The following WDSUB1 variants were observed in gnomAD, a reference collection of about 807,000 sequenced individuals.
WDSUB1 encodes WD repeat, sterile alpha motif and U-box domain containing 1, also known as WD repeat, SAM and U-box domain-containing protein 1.
In WDSUB1, 49 loss-of-function variants were observed where a neutral mutation model predicts 53.9. The ratio of observed to expected loss-of-function variants is 0.91; its 90% CI spans 0.72 to 1.15. The LOEUF is 1.15. Ranked by LOEUF, WDSUB1 falls within the 50% of genes most tolerant of loss-of-function variation. The probability of loss-of-function intolerance (pLI) is 0.00; values close to 1 mark genes in which losing one functional copy is unlikely to be tolerated. For synonymous variants in WDSUB1, 194 were observed against 200.6 expected (o/e 0.97, Z 0.28); for missense variants, 514 against 562.0 (o/e 0.91, Z 0.86).
In WDSUB1 at chr2:159,279,628, T is replaced by G. The variant is rs532544960; in HGVS notation, c.583+133A>C. 2.0e-5 allele frequency: 14 copies of G among 694,656 alleles called. No individual in the cohort carries two copies. The South Asian group carries it at 6.4e-4, about 32-fold the overall frequency. The allele number at this position is 694,656 out of a possible 1,614,324, so 43.0% of individuals were successfully genotyped here. ...TCAAAAAAGAGAGAAGGATAATCCC[T>G]TTACAGGAATAAATTAAGAGGGCTC... On this transcript the variant is annotated intron_variant, in intron 3 of 10. Transcript: ENST00000359774.
At chr2:159,269,170 T>A (rs950171317) in intron 5 of WDSUB1, among the ~76,000 whole-genome samples, 3 of 145,794 alleles carry the variant, frequency 2.1e-5, no homozygotes, top group Non-Finnish European at 3.0e-5. Flanking sequence ...CACAGATTTT[T>A]TTTTTTTTTT....
intron 10 of WDSUB1, among the ~76,000 whole-genome samples, chr2:159,243,948 T>C (rs1229598898): frequency 3.9e-5 from 6 of 152,180 alleles, no homozygotes; most frequent in African/African-American, 1.4e-4. Flanking sequence ...CTCACAAACA[T>C]GTTTAAGAAG....
chr2:159,250,741 A>G (rs989885432), intron 9 of WDSUB1, among the ~76,000 whole-genome samples: 2 of 152,196 alleles, frequency 1.3e-5, no homozygotes, highest in Non-Finnish European at 2.9e-5. Flanking sequence ...GTAGAGATAG[A>G]TAAGAGGTAC....
intron 9 of WDSUB1, among the ~76,000 whole-genome samples, chr2:159,250,088 C>CAAAAAAAAAAAAAAAAAAAA (rs374038625): frequency 2.4e-5 from 2 of 83,524 alleles, no homozygotes; most frequent in African/African-American, 3.6e-5. Context: ...GACTCTGCCT[C>CAAAAAAAAAAAAAAAAAAAA]AAAAAAAAAA....
At position 159,243,607 on chromosome 2, in the gene WDSUB1, A is replaced by G. The variant is rs1265744012; in HGVS notation, c.1273+4765T>C. Among the ~76,000 whole-genome samples, 2 of 129,654 alleles carry G rather than the reference A, an allele frequency of 1.5e-5. 1 individual carries two copies. Among genetic ancestry groups the G allele is most frequent in the African/African-American group, 7.8e-5 (2 of 25,784 alleles). 85.1% of individuals were successfully genotyped at this position (129,654 alleles called of 152,430 possible). A position where few individuals can be genotyped will look rare whatever the true frequency, so the allele number is the denominator to read the frequency against. ...TCAATTAAAAATAATAAAATTTAAAAATAAATGTGTGGTACCAGAAAGGTT... is the reference window on the plus strand; with the variant it reads ...TCAATTAAAAATAATAAAATTTAAAGATAAATGTGTGGTACCAGAAAGGTT... On this transcript the variant is annotated intron_variant, in intron 10 of 10. Coordinates refer to ENST00000359774, the MANE Select transcript of WDSUB1 (RefSeq NM_001128212.3).
intron 10 of WDSUB1, among the ~76,000 whole-genome samples, chr2:159,245,747 A>G (rs902987128): frequency 3.3e-5 from 5 of 152,220 alleles, no homozygotes; most frequent in Admixed American, 1.3e-4. Flanking sequence ...AAAATGTGAA[A>G]TAAGTCCTAG....
At chr2:159,277,272 G>A (rs557207920) in intron 3 of WDSUB1, among the ~76,000 whole-genome samples, 15 of 152,164 alleles carry the variant, frequency 9.9e-5, no homozygotes, top group Admixed American at 2.0e-4. Context: ...CTTTCTAAGA[G>A]AGATCTTGAG....
chr2:159,284,474 A>G (rs1367015297), intron 1 of WDSUB1, among the ~76,000 whole-genome samples: 2 of 152,112 alleles, frequency 1.3e-5, no homozygotes, highest in Non-Finnish European at 2.9e-5. Context: ...TTAAAATCAA[A>G]CTGTAGGATT....
In WDSUB1 at chr2:159,256,351, T is replaced by A. The variant is rs370517352; in HGVS notation, c.977A>T (p.Lys326Met). 2 of 1,612,120 alleles carry A rather than the reference T, an allele frequency of 1.2e-6. No homozygotes were observed. Among genetic ancestry groups the A allele is most frequent in the South Asian group, 2.2e-5 (2 of 90,350 alleles). The change falls in exon 9 of 11, where the codon AAG (lysine) becomes ATG (methionine). Residue 326 changes from lysine to methionine, a missense_variant. Lys to Met is a moderately conservative substitution (Grantham distance 95). Coordinates refer to ENST00000359774, the MANE Select transcript of WDSUB1 (RefSeq NM_001128212.3). ...CQARRTEHQL[K>M]QFTEDWSEED... Reference sequence around the variant, plus strand: ...CTCTGACCAATCTTCGGTAAATTGCTTCAGCTGATGTTCTGTGCGCCTTGC... The same window carrying A: ...CTCTGACCAATCTTCGGTAAATTGCATCAGCTGATGTTCTGTGCGCCTTGC...
At chr2:159,271,844 T>C (rs552438811) in intron 4 of WDSUB1, 49 bp from the exon 5 acceptor site, 14 of 1,480,812 alleles carry the variant, frequency 9.5e-6, no homozygotes, top group African/African-American at 2.8e-5. Flanking sequence ...ATGCTTAGAA[T>C]TGATTTTTAA....
chr2:159,263,260 T>C (rs1293408914), intron 5 of WDSUB1, among the ~76,000 whole-genome samples: 2 of 152,226 alleles, frequency 1.3e-5, no homozygotes, highest in African/African-American at 4.8e-5. Context: ...CCCAAGTATG[T>C]TGCTAACATT....
intron 9 of WDSUB1, among the ~76,000 whole-genome samples, chr2:159,251,885 G>C (rs947229356): frequency 6.6e-6 from 1 of 152,186 alleles, no homozygotes; most frequent in Non-Finnish European, 1.5e-5. Context: ...ACAGCATAGA[G>C]CAGAGATGTG....
At chr2:159,268,521 T>C (rs1277486291) in intron 5 of WDSUB1, among the ~76,000 whole-genome samples, 2 of 152,178 alleles carry the variant, frequency 1.3e-5, no homozygotes, top group South Asian at 4.1e-4. Flanking sequence ...AATTGGAGCA[T>C]ATGGAAAAAA....
chr2:159,253,801 A>C (rs1306569037), intron 9 of WDSUB1, among the ~76,000 whole-genome samples: 1 of 152,224 alleles, frequency 6.6e-6, no homozygotes, highest in Non-Finnish European at 1.5e-5. Context: ...TACTATTTTG[A>C]GGTCTATTTT....
intron 8 of WDSUB1, 61 bp from the exon 9 acceptor site, chr2:159,256,436 C>T: frequency 6.6e-7 from 1 of 1,506,714 alleles, no homozygotes; most frequent in Non-Finnish European, 9.0e-7. Context: ...TAAACATTCT[C>T]ACTTTGAATT....
At chr2:159,265,701 T>C (rs6432523) in intron 5 of WDSUB1, among the ~76,000 whole-genome samples, 6,127 of 152,174 alleles carry the variant, frequency 0.04, 398 homozygotes, top group African/African-American at 0.14. Context: ...GAGGAGACCC[T>C]GTCCCAAAAA....
intron 3 of WDSUB1, 59 bp from the exon 4 acceptor site, chr2:159,275,697 T>G: frequency 2.3e-6 from 3 of 1,319,142 alleles, no homozygotes; most frequent in Non-Finnish European, 3.2e-6. Flanking sequence ...CCCCCCAAAA[T>G]TCCCATTTCT....
In WDSUB1 at chr2:159,282,772, C is replaced by CA. The variant is rs1223962880; in HGVS notation, c.297dup (p.Val100CysfsTer19). 6.2e-7 allele frequency: 1 copy of CA among 1,614,188 alleles called. No individual in the cohort carries two copies. Among genetic ancestry groups the CA allele is most frequent in the East Asian group, 2.2e-5 (1 of 44,886 alleles). Reference sequence around the variant, plus strand: ...TCTGGGGAAAACTGGCAAACCCTCACAGGGCTGCCACTAGGCTGTTCCATC... The same window carrying CA: ...TCTGGGGAAAACTGGCAAACCCTCACAAGGGCTGCCACTAGGCTGTTCCATC... On this transcript the variant is annotated frameshift_variant, in exon 2 of 11. Transcript: ENST00000359774. LOFTEE classifies it high-confidence loss of function.
At chr2:159,281,018 T>C (rs1213652999) in intron 2 of WDSUB1, among the ~76,000 whole-genome samples, 2 of 152,152 alleles carry the variant, frequency 1.3e-5, no homozygotes, top group African/African-American at 4.8e-5. Flanking sequence ...AAAAAGATAT[T>C]TGGCATAAGT....
Sources: gnomAD v4.1 joint callset for allele counts (sites outside exome capture counted in the v4.1 genomes callset) on GRCh38, gnomAD v4.1.1 for gene constraint, MANE v1.5 for transcripts, NCBI Gene and HGNC (gene_info 2026-07-23, HGNC 2026-07-21) for gene names.